The following DENND4C variants were observed in gnomAD, a reference collection of about 807,000 sequenced individuals.
DENND4C encodes the protein DENN domain containing 4C.
DENND4C carries 108 observed loss-of-function variants against 203.0 expected under a neutral mutation model. That is an observed-to-expected ratio of 0.53 (90% CI 0.46 to 0.62). The LOEUF (loss-of-function observed/expected upper bound fraction) is 0.62. Ranked by LOEUF, DENND4C falls within the 20% of genes least tolerant of loss-of-function variation. The probability of loss-of-function intolerance (pLI) is 0.00; values close to 1 mark genes in which losing one functional copy is unlikely to be tolerated. For synonymous variants in DENND4C, 871 were observed against 792.4 expected, an observed-to-expected ratio of 1.10 and a Z score of -1.67; for missense variants, 2,481 against 2,301.2, an observed-to-expected ratio of 1.08 and a Z score of -1.60.
chr9:19,352,056 T>C lies in DENND4C; in HGVS notation c.4496-17T>C, dbSNP rs746000072. The C allele has an allele frequency of 4.4e-6, 7 of 1,600,000 alleles. No individual in the cohort carries two copies. The highest frequency in any genetic ancestry group is 3.3e-5 in the South Asian group (3 of 90,670). On this transcript the variant is annotated splice_polypyrimidine_tract_variant and intron_variant, in intron 24 of 32. Transcript: ENST00000434457. ...ACATTCCTTACTTAAGGTATTACGA[T>C]GTATATTCCTTTGTAGGTGAAGTTC...
At chr9:19,369,623 T>C (rs994940201) in intron 30 of DENND4C, among the ~76,000 whole-genome samples, 1 of 151,726 alleles carries the variant, frequency 6.6e-6, no homozygotes, top group Non-Finnish European at 1.5e-5. Context: ...AAAAATTAGC[T>C]GGGCATGGTG....
Position 19,298,175 on chromosome 9 carries a change from C to A in DENND4C, c.1107+53C>A. 5 of 1,487,264 alleles carry A rather than the reference C, an allele frequency of 3.4e-6. No individual in the cohort carries two copies. The South Asian group carries it at 6.0e-5, about 18-fold the overall frequency. The allele number at this position is 1,487,264 out of a possible 1,614,324, so 92.1% of individuals were successfully genotyped here. A position where few individuals can be genotyped will look rare whatever the true frequency, so the allele number is the denominator to read the frequency against. On this transcript the variant is annotated intron_variant, in intron 7 of 32. Coordinates refer to ENST00000434457, the MANE Select transcript of DENND4C (RefSeq NM_001330640.2). ...GAACTTTGCATATGCTCACCTGAGT[C>A]ATTGCAGAGTGGATTCTGTATACCT...
At position 19,353,968 on chromosome 9, in the gene DENND4C, C is replaced by T. The variant is rs1471450441; in HGVS notation, c.4781+1303C>T. On this transcript the variant is annotated intron_variant, in intron 26 of 32. Transcript: ENST00000434457. ...GGGTGGAGCTAAGTCAAATCATACTCTTTAATTCCTGACACACTATCATCT... is the reference window on the plus strand; with the variant it reads ...GGGTGGAGCTAAGTCAAATCATACTTTTTAATTCCTGACACACTATCATCT... 3.3e-5 allele frequency among the ~76,000 whole-genome samples: 5 copies of T among 152,192 alleles called. No individual in the cohort carries two copies. The East Asian group carries it at 7.7e-4, about 23-fold the overall frequency.
At chr9:19,251,480 A>T (rs1826578300) in intron 1 of DENND4C, among the ~76,000 whole-genome samples, 1 of 152,208 alleles carries the variant, frequency 6.6e-6, no homozygotes, top group South Asian at 2.1e-4. Context: ...TTGGGGATTA[A>T]CATTCCACTC....
At chr9:19,323,123 A>G (rs773664057) in intron 12 of DENND4C, among the ~76,000 whole-genome samples, 6 of 152,108 alleles carry the variant, frequency 3.9e-5, no homozygotes, top group Non-Finnish European at 8.8e-5. Flanking sequence ...TTGTCAACAT[A>G]GCAAGACACC....
At chr9:19,340,951 T>C (rs1588952930) in intron 20 of DENND4C, 41 bp from the exon 21 acceptor site, 1 of 1,536,884 alleles carries the variant, frequency 6.5e-7, no homozygotes, top group African/African-American at 1.4e-5. Context: ...ATTATAAGTA[T>C]ATGAAAACAT....
intron 24 of DENND4C, 93 bp from the exon 25 acceptor site, chr9:19,351,978 CTT>C: frequency 1.0e-6 from 1 of 974,626 alleles, no homozygotes; most frequent in South Asian, 1.5e-5. Flanking sequence ...CAGTTGCAGA[CTT>C]TATTCTGTGT....
rs556795677 is a variant in DENND4C, at chr9:19,373,078, A to T, written c.*905A>T. ...GTCATTAATCTTAAAATTACCTGAA[A>T]ATCTGATGACAGCTGCCTTCCCTAA... On this transcript the variant is annotated 3_prime_UTR_variant, in exon 33 of 33. Transcript: ENST00000434457. The T allele has an allele frequency of 1.3e-5, 2 of 152,284 alleles. No homozygotes were observed. The highest frequency in any genetic ancestry group is 4.8e-5 in the African/African-American group (2 of 41,548). The allele number at this position is 152,284 out of a possible 1,614,324, so 9.4% of individuals were successfully genotyped here. A position where few individuals can be genotyped will look rare whatever the true frequency, so the allele number is the denominator to read the frequency against.
intron 18 of DENND4C, 124 bp downstream of exon 18, chr9:19,335,229 A>T (rs925327205): frequency 5.8e-6 from 3 of 514,120 alleles, no homozygotes; most frequent in Non-Finnish European, 8.7e-6. Context: ...AATAATTTTT[A>T]TAATTATTAA....
intron 30 of DENND4C, among the ~76,000 whole-genome samples, chr9:19,368,273 TTTTC>T (rs1391720802): frequency 3.0e-4 from 42 of 142,148 alleles, no homozygotes; most frequent in African/African-American, 1.1e-3. Flanking sequence ...TTTTTTTTTT[TTTTC>T]GGTTTAACAC....
At chr9:19,304,007 T>G (rs1839128381) in intron 9 of DENND4C, among the ~76,000 whole-genome samples, 1 of 150,660 alleles carries the variant, frequency 6.6e-6, no homozygotes, top group African/African-American at 2.4e-5. Flanking sequence ...GGCCTTAACA[T>G]GTTTTAGTCT....
chr9:19,269,794 G>T (rs1194719162), intron 1 of DENND4C, among the ~76,000 whole-genome samples: 1 of 152,134 alleles, frequency 6.6e-6, no homozygotes, highest in African/African-American at 2.4e-5. Context: ...ATGTTTTCCT[G>T]TATGGTCTTG....
intron 9 of DENND4C, among the ~76,000 whole-genome samples, chr9:19,303,872 A>G (rs1228095289): frequency 6.6e-6 from 1 of 151,674 alleles, no homozygotes; most frequent in Non-Finnish European, 1.5e-5. Context: ...TGTAAAATTT[A>G]TTCATTTATT....
At chr9:19,278,041 C>G (rs762887361) in intron 2 of DENND4C, among the ~76,000 whole-genome samples, 8 of 149,310 alleles carry the variant, frequency 5.4e-5, no homozygotes, top group Non-Finnish European at 8.9e-5. Flanking sequence ...TATCACATAT[C>G]CAAATTTTTC....
chr9:19,315,040 A>G (rs1329416080), intron 10 of DENND4C, among the ~76,000 whole-genome samples: 1 of 151,244 alleles, frequency 6.6e-6, no homozygotes, highest in Non-Finnish European at 1.5e-5. Flanking sequence ...CGCCCCTGTA[A>G]TCCCAGCTAC....
intron 1 of DENND4C, among the ~76,000 whole-genome samples, chr9:19,272,446 C>CA (rs1242669354): frequency 6.6e-6 from 1 of 151,204 alleles, no homozygotes; most frequent in Non-Finnish European, 1.5e-5. Context: ...AAACAAAAAA[C>CA]AAAAAAATGT....
chr9:19,258,236 C>G (rs116350533), intron 1 of DENND4C, among the ~76,000 whole-genome samples: 1 of 152,082 alleles, frequency 6.6e-6, no homozygotes, highest in East Asian at 1.9e-4. Flanking sequence ...GCATAAAGAT[C>G]CAGACTCATG....
rs1405706072 is a variant in DENND4C, at chr9:19,286,893, C to G, written c.430C>G (p.Arg144Gly). Residue 144 changes from arginine (R) to glycine (G), a missense_variant, in exon 3 of 33, where the codon CGA (arginine) becomes GGA (glycine). By Grantham distance (125) the Arg-to-Gly change is moderately radical. Coordinates refer to ENST00000434457, the MANE Select transcript of DENND4C (RefSeq NM_001330640.2). ...TTCACAAAGAATCTTTATCACTTATCGAAGGGCTCCTCCAGTTCGACCCCA... is the reference window on the plus strand; with the variant it reads ...TTCACAAAGAATCTTTATCACTTATGGAAGGGCTCCTCCAGTTCGACCCCA... Reference protein sequence around the residue: ...TTSQRIFITYRRAPPVRPQNS... With the variant: ...TTSQRIFITYGRAPPVRPQNS... 1 of 1,232,066 alleles carries G rather than the reference C, an allele frequency of 8.1e-7. No individual in the cohort carries two copies. Among genetic ancestry groups the G allele is most frequent in the Non-Finnish European group, 1.0e-6 (1 of 987,956 alleles). The allele number at this position is 1,232,066 out of a possible 1,614,324, so 76.3% of individuals were successfully genotyped here.
chr9:19,231,222 TC>T (rs968285366), intron 1 of DENND4C, among the ~76,000 whole-genome samples: 1 of 151,858 alleles, frequency 6.6e-6, no homozygotes, highest in Non-Finnish European at 1.5e-5. Context: ...GATCGGGGCT[TC>T]CCAGAGGGGG....
Sources: allele counts gnomAD v4.1 joint callset (sites outside exome capture counted in the v4.1 genomes callset), GRCh38; gene constraint gnomAD v4.1.1; transcripts MANE v1.5; gene names NCBI Gene and HGNC (gene_info 2026-07-23, HGNC 2026-07-21).